CLCA1: variants seen among roughly 807,000 people sequenced by gnomAD.
CLCA1 encodes calcium-activated chloride channel regulator 1.
In CLCA1, 59 loss-of-function variants were observed where a neutral mutation model predicts 85.6. The observed-to-expected ratio is 0.69, with a 90% CI of 0.56 to 0.86. The LOEUF (loss-of-function observed/expected upper bound fraction) is 0.86. Ranked by LOEUF, CLCA1 falls within the 40% of genes least tolerant of loss-of-function variation. The pLI, the probability that CLCA1 is intolerant of heterozygous loss-of-function variation, is 0.00. For missense variants in CLCA1, 1,022 were observed against 1,101.4 expected (o/e 0.93, Z 1.02); for synonymous variants, 396 against 398.3 (o/e 0.99, Z 0.07).
intron 11 of CLCA1, among the ~76,000 whole-genome samples, chr1:86,494,900 T>G (rs1217981722): frequency 6.6e-6 from 1 of 152,182 alleles, no homozygotes; most frequent in Non-Finnish European, 1.5e-5. Context: ...GCAGCAGAGA[T>G]AGATTCAAGC....
intron 8 of CLCA1, among the ~76,000 whole-genome samples, chr1:86,489,501 C>T (rs1648078115): frequency 6.6e-6 from 1 of 152,172 alleles, no homozygotes; most frequent in African/African-American, 2.4e-5. Context: ...CCACTAACTA[C>T]ATAACACCAT....
intron 8 of CLCA1, among the ~76,000 whole-genome samples, chr1:86,490,326 T>A (rs1051694411): frequency 9.2e-5 from 14 of 152,248 alleles, no homozygotes; most frequent in African/African-American, 3.4e-4. Flanking sequence ...ACAGCCTTAC[T>A]GAAATTATTT....
intron 4 of CLCA1, among the ~76,000 whole-genome samples, chr1:86,480,828 A>T (rs5744347): frequency 0.016 from 2,376 of 152,288 alleles, 22 homozygotes; most frequent in Middle Eastern, 0.048. Context: ...AATTTGGGTG[A>T]CACATATCAA....
intron 8 of CLCA1, 84 bp downstream of exon 8, chr1:86,489,254 T>A (rs1258873870): frequency 7.5e-7 from 1 of 1,325,634 alleles, no homozygotes; most frequent in Non-Finnish European, 1.0e-6. Context: ...GGGGGAAAGA[T>A]GGGATGGAGA....
intron 11 of CLCA1, 67 bp downstream of exon 11, chr1:86,494,515 G>A (rs987386829): frequency 1.3e-6 from 2 of 1,568,116 alleles, no homozygotes; most frequent in East Asian, 2.2e-5. Flanking sequence ...AATGCCAAGA[G>A]GGCATGGTCT....
chr1:86,496,451 A>G (rs5744412), intron 12 of CLCA1, among the ~76,000 whole-genome samples: 3,209 of 152,272 alleles, frequency 0.021, 46 homozygotes, highest in Non-Finnish European at 0.031. Context: ...CATGAAACAG[A>G]CAGTCCCATA....
Position 86,495,563 on chromosome 1 carries a change from G to T in CLCA1, c.2001G>T (p.Thr667=). The T allele has an allele frequency of 6.2e-7, 1 of 1,613,988 alleles. No individual in the cohort carries two copies. Among genetic ancestry groups the T allele is most frequent in the South Asian group, 1.1e-5 (1 of 91,082 alleles). ...CAAGGTATTTCACAACTTATGACAC[G>T]AATGGTAGATACAGTGTAAAAGTGC... ...VYSRYFTTYD[T]NGRYSVKVRA... is the part of the protein sequence containing the mutation. Residue 667 remains threonine (T), a synonymous_variant, in exon 12 of 14, where the codon ACG becomes ACT. Transcript: ENST00000394711.
chr1:86,484,256 T>C lies in CLCA1; in HGVS notation c.736-1087T>C, dbSNP rs5744361. 2.7e-3 allele frequency among the ~76,000 whole-genome samples: 410 copies of C among 152,224 alleles called. 2 individuals are homozygous for C. The highest frequency in any genetic ancestry group is 9.4e-3 in the African/African-American group (390 of 41,516). ...AAATTTCTACAAGATATCGTGAAGC[T>C]ATAAAGGGTGGAATGGAAATTCTCA... On this transcript the variant is annotated intron_variant, in intron 5 of 13. Coordinates refer to ENST00000394711, the MANE Select transcript of CLCA1 (RefSeq NM_001285.4).
chr1:86,485,668 G>A, intron 6 of CLCA1, 107 bp downstream of exon 6: 2 of 905,732 alleles, frequency 2.2e-6, no homozygotes, highest in South Asian at 1.5e-5. Context: ...GGCCAGAATA[G>A]TTATAACTGT....
In CLCA1 at chr1:86,485,450, C is replaced by A. The variant is rs532556519; in HGVS notation, c.843C>A (p.Asp281Glu). 1.5e-5 allele frequency: 25 copies of A among 1,614,144 alleles called. No homozygotes were observed. In the South Asian group the frequency reaches 2.7e-4, roughly 18 times the overall value. The change falls in exon 6 of 14, where the codon GAC becomes GAA. Residue 281 changes from aspartate (D) to glutamate (E), a missense_variant. Asp to Glu is a conservative substitution (Grantham distance 45). Coordinates refer to ENST00000394711, the MANE Select transcript of CLCA1 (RefSeq NM_001285.4). ...STWEVIRDSE[D>E]FKKTTPMTTQ... Reference sequence around the variant, plus strand: ...GGGAAGTGATCCGTGATTCTGAGGACTTTAAGAAAACCACTCCTATGACAA... The same window carrying A: ...GGGAAGTGATCCGTGATTCTGAGGAATTTAAGAAAACCACTCCTATGACAA...
Position 86,499,872 on chromosome 1 carries a change from A to T in CLCA1, c.2572A>T (p.Asn858Tyr), listed in dbSNP as rs985340255. ...GGTCGATCTGAAATCAGAAATATCCAACATTGCACGAGTATCTTTGTTTAT... is the reference window on the plus strand; with the variant it reads ...GGTCGATCTGAAATCAGAAATATCCTACATTGCACGAGTATCTTTGTTTAT... Reference protein sequence around the residue: ...DKVDLKSEISNIARVSLFIPP... With the variant: ...DKVDLKSEISYIARVSLFIPP... The change falls in exon 14 of 14, where the codon AAC becomes TAC. Residue 858 changes from asparagine to tyrosine, a missense_variant. Asn to Tyr is a moderately radical substitution (Grantham distance 143, BLOSUM62 -2). Transcript: ENST00000394711. 2.2e-5 allele frequency: 35 copies of T among 1,613,848 alleles called. No homozygotes were observed. Among genetic ancestry groups the T allele is most frequent in the Non-Finnish European group, 2.8e-5 (33 of 1,179,818 alleles).
intron 5 of CLCA1, 122 bp downstream of exon 5, chr1:86,482,504 T>C: frequency 1.1e-6 from 1 of 883,278 alleles, no homozygotes; most frequent in Non-Finnish European, 1.7e-6. Context: ...GGATTATCTC[T>C]GGGACAAGCT....
intron 12 of CLCA1, among the ~76,000 whole-genome samples, chr1:86,498,178 G>GGAAGGAAGGAAGGAAA (rs1648349759): frequency 7.7e-6 from 1 of 130,452 alleles, no homozygotes; most frequent in African/African-American, 3.1e-5. Context: ...AAGGAAGGAA[G>GGAAGGAAGGAAGGAAA]GAAGGAAGGA....
In CLCA1 at chr1:86,485,473, C is replaced by A. The variant is rs1414715048; in HGVS notation, c.866C>A (p.Thr289Lys). 6.2e-7 allele frequency: 1 copy of A among 1,614,170 alleles called. No individual in the cohort carries two copies. The highest frequency in any genetic ancestry group is 8.5e-7 in the Non-Finnish European group (1 of 1,180,016). The change falls in exon 6 of 14, where the codon ACA becomes AAA. Residue 289 changes from threonine to lysine, a missense_variant. By Grantham distance (78) the Thr-to-Lys change is moderately conservative. Coordinates refer to ENST00000394711, the MANE Select transcript of CLCA1 (RefSeq NM_001285.4). ...SEDFKKTTPM[T>K]TQPPNPTFSL... ...GACTTTAAGAAAACCACTCCTATGA[C>A]AACACAGCCACCAAATCCCACCTTC...
intron 3 of CLCA1, among the ~76,000 whole-genome samples, chr1:86,475,451 G>T (rs1647615694): frequency 6.6e-6 from 1 of 152,176 alleles, no homozygotes; most frequent in South Asian, 2.1e-4. Context: ...GACACTATGT[G>T]CCCAGATATG....
intron 4 of CLCA1, among the ~76,000 whole-genome samples, chr1:86,478,659 C>T (rs374123211): frequency 3.9e-5 from 6 of 152,242 alleles, no homozygotes; most frequent in African/African-American, 1.4e-4. Flanking sequence ...GCCAGTTAGA[C>T]ACCATATATT....
chr1:86,481,135 A>AT (rs970691326), intron 4 of CLCA1, among the ~76,000 whole-genome samples: 23 of 151,584 alleles, frequency 1.5e-4, no homozygotes, highest in African/African-American at 4.1e-4. Flanking sequence ...CACATTTTGA[A>AT]TTTTTTTTTC....
At chr1:86,477,398 G>A (rs1415144814) in intron 4 of CLCA1, among the ~76,000 whole-genome samples, 1 of 152,216 alleles carries the variant, frequency 6.6e-6, no homozygotes, top group African/African-American at 2.4e-5. Context: ...AACCTTGCGC[G>A]ATGTCAGTAG....
chr1:86,484,500 C>T (rs1241607668), intron 5 of CLCA1, among the ~76,000 whole-genome samples: 1 of 152,008 alleles, frequency 6.6e-6, no homozygotes, highest in African/African-American at 2.4e-5. Flanking sequence ...ATAGAGTTTG[C>T]CATTGGTATA....
Sources: allele counts gnomAD v4.1 joint callset (sites outside exome capture counted in the v4.1 genomes callset), GRCh38; gene constraint gnomAD v4.1.1; transcripts MANE v1.5; gene names NCBI Gene and HGNC (gene_info 2026-07-23, HGNC 2026-07-21).